The following ZNF578 variants were observed in gnomAD, a reference collection of about 807,000 sequenced individuals.
ZNF578 encodes the protein Putative chemokine-related protein B42.
In ZNF578, 8 loss-of-function variants were observed where a neutral mutation model predicts 8.3. The observed-to-expected ratio is 0.96, with a 90% CI of 0.56 to 1.74. The LOEUF is 1.74. ZNF578 is among the 40% of genes most tolerant of loss of function. The pLI is 0.00. For missense variants in ZNF578, 726 were observed against 707.5 expected, an observed-to-expected ratio of 1.03 and a Z score of -0.30; for synonymous variants, 206 against 232.2, an observed-to-expected ratio of 0.89 and a Z score of 1.03.
Position 52,511,811 on chromosome 19 carries a change from A to G in ZNF578, c.1430A>G (p.His477Arg). The G allele has an allele frequency of 6.2e-7, 1 of 1,613,976 alleles. No individual in the cohort carries two copies. Among genetic ancestry groups the G allele is most frequent in the Non-Finnish European group, 8.5e-7 (1 of 1,179,906 alleles). The change falls in exon 6 of 6, where the codon CAT (histidine) becomes CGT (arginine). Residue 477 changes from histidine (H) to arginine (R), a missense_variant. By Grantham distance (29) the His-to-Arg change is conservative. Transcript: ENST00000421239. ...AACCTTGAGAGACACAAGATAATTC[A>G]TACTGGAGAGAAACCTTACAAGTGT... ...KSNLERHKII[H>R]TGEKPYKCNE...
At chr19:52,459,781 T>A (rs1264728380) in intron 2 of ZNF578, among the ~76,000 whole-genome samples, 1 of 76,694 alleles carries the variant, frequency 1.3e-5, no homozygotes, top group Non-Finnish European at 2.6e-5. Context: ...TTTTTTTTTT[T>A]TTTTTTTTTT....
At position 52,489,124 on chromosome 19, in the gene ZNF578, C is replaced by G. The variant is rs147504139; in HGVS notation, c.-121-2200C>G. Among the ~76,000 whole-genome samples the G allele has an allele frequency of 4.0e-3, 608 of 151,946 alleles. 5 individuals are homozygous for G. Among genetic ancestry groups the G allele is most frequent in the African/African-American group, 0.014 (585 of 41,468 alleles). On this transcript the variant is annotated intron_variant, in intron 2 of 5. Coordinates refer to ENST00000421239, the MANE Select transcript of ZNF578 (RefSeq NM_001099694.2). ...CCCCCCCTAAAAAAAGAAAAAGTAG[C>G]CGAGGGTGGTGGCATGCGTCTGTAG...
At chr19:52,505,624 C>A (rs1304463556) in intron 5 of ZNF578, among the ~76,000 whole-genome samples, 1 of 151,874 alleles carries the variant, frequency 6.6e-6, no homozygotes, top group Non-Finnish European at 1.5e-5. Context: ...CGGGGTTTCA[C>A]CGTGTTAGCC....
Position 52,510,948 on chromosome 19 carries a change from A to G in ZNF578, c.567A>G (p.Ser189=), listed in dbSNP as rs1406463349. 2.0e-5 allele frequency: 32 copies of G among 1,614,074 alleles called. No homozygotes were observed. The highest frequency in any genetic ancestry group is 2.5e-5 in the Non-Finnish European group (29 of 1,180,046). The change falls in exon 6 of 6, where the codon TCA becomes TCG. Residue 189 remains serine, a synonymous_variant. Coordinates refer to ENST00000421239, the MANE Select transcript of ZNF578 (RefSeq NM_001099694.2). ...QVEKSVNDAS[S]ISTSQRISCR... ...AGAAGTCTGTCAACGATGCTTCCTCAATTTCAACATCCCAAAGAATTTCTT... is the reference window on the plus strand; with the variant it reads ...AGAAGTCTGTCAACGATGCTTCCTCGATTTCAACATCCCAAAGAATTTCTT...
intron 2 of ZNF578, among the ~76,000 whole-genome samples, chr19:52,459,715 G>GTGTGTATA (rs1285862887): frequency 0.064 from 422 of 6,616 alleles, 22 homozygotes; most frequent in African/African-American, 0.13. Flanking sequence ...ATGTAGATAT[G>GTGTGTATA]TGTGTGTGTG....
At chr19:52,481,332 A>G (rs950106799) in intron 2 of ZNF578, among the ~76,000 whole-genome samples, 2 of 152,162 alleles carry the variant, frequency 1.3e-5, no homozygotes, top group Non-Finnish European at 2.9e-5. Flanking sequence ...GGACTGAACA[A>G]AGGAGAAGGA....
chr19:52,507,405 A>G (rs1307091823), intron 5 of ZNF578, among the ~76,000 whole-genome samples: 1 of 151,978 alleles, frequency 6.6e-6, no homozygotes, highest in Non-Finnish European at 1.5e-5. Flanking sequence ...ACAAAACAAA[A>G]AAATTAGCCA....
At chr19:52,483,202 A>G (rs4802955) in intron 2 of ZNF578, among the ~76,000 whole-genome samples, 92,998 of 151,916 alleles carry the variant, frequency 0.61, 28,591 homozygotes, top group Admixed American at 0.64. Flanking sequence ...AATCACCTGA[A>G]GTTGGTGGTT....
Position 52,488,649 on chromosome 19 carries a change from TG to T in ZNF578, c.-121-2673del, listed in dbSNP as rs1460367438. Among the ~76,000 whole-genome samples, 2 of 151,782 alleles carry T rather than the reference TG, an allele frequency of 1.3e-5. 1 individual carries two copies. The highest frequency in any genetic ancestry group is 1.3e-4 in the Admixed American group (2 of 15,226). ...AAATACCAAAATTAGCCAGGCGTGG[TG>T]GCAGACTCCTGTAATCCCAGCTACT... On this transcript the variant is annotated intron_variant, in intron 2 of 5. Coordinates refer to ENST00000421239, the MANE Select transcript of ZNF578 (RefSeq NM_001099694.2).
chr19:52,503,799 G>GTTTTTTT, intron 4 of ZNF578, among the ~76,000 whole-genome samples: 1 of 121,920 alleles, frequency 8.2e-6, no homozygotes, highest in Non-Finnish European at 1.8e-5. Flanking sequence ...CCCTGTGTTT[G>GTTTTTTT]CTTTTTTTTT....
At chr19:52,467,085 A>G (rs1174294686) in intron 2 of ZNF578, among the ~76,000 whole-genome samples, 1 of 150,990 alleles carries the variant, frequency 6.6e-6, no homozygotes, top group Non-Finnish European at 1.5e-5. Flanking sequence ...GTTTTGGCTC[A>G]CTGCAACCTC....
At chr19:52,486,792 TAGAC>T (rs3054903) in intron 2 of ZNF578, among the ~76,000 whole-genome samples, 21,728 of 150,900 alleles carry the variant, frequency 0.14, 1,758 homozygotes, top group African/African-American at 0.22. Flanking sequence ...GAGGCAGAAA[TAGAC>T]AGAGATTGAG....
At chr19:52,501,992 T>G in intron 4 of ZNF578, 84 bp downstream of exon 4, 1 of 1,535,292 alleles carries the variant, frequency 6.5e-7, no homozygotes, top group East Asian at 2.3e-5. Flanking sequence ...AGTAATGTAT[T>G]GTAACAGCCA....
Position 52,512,376 on chromosome 19 carries a change from C to T in ZNF578, c.*222C>T, listed in dbSNP as rs1035196363. 47 of 1,499,428 alleles carry T rather than the reference C, an allele frequency of 3.1e-5. 1 individual carries two copies. The highest frequency in any genetic ancestry group is 3.4e-4 in the Middle Eastern group (2 of 5,838). The allele number at this position is 1,499,428 out of a possible 1,614,324, so 92.9% of individuals were successfully genotyped here. A position where few individuals can be genotyped will look rare whatever the true frequency, so the allele number is the denominator to read the frequency against. ...ATGATTGTCACAAAGTCTTCAGTAA[C>T]GCTACAACGATTGCAAATCATTGGA... is the stretch of plus-strand genomic sequence containing the variant. On this transcript the variant is annotated 3_prime_UTR_variant, in exon 6 of 6. Transcript: ENST00000421239.
intron 2 of ZNF578, among the ~76,000 whole-genome samples, chr19:52,475,679 C>A (rs1019426871): frequency 7.9e-5 from 12 of 152,154 alleles, no homozygotes; most frequent in African/African-American, 2.7e-4. Context: ...TTAATATCCC[C>A]TAATAGCTGT....
At chr19:52,455,775 A>G (rs1425597875) in intron 1 of ZNF578, 4 of 152,240 alleles carry the variant, frequency 2.6e-5, no homozygotes, top group African/African-American at 4.8e-5. Context: ...AATCTAGGAC[A>G]TAGTTCCTTG....
intron 2 of ZNF578, among the ~76,000 whole-genome samples, chr19:52,472,593 C>G (rs1180252469): frequency 6.6e-6 from 1 of 152,134 alleles, no homozygotes; most frequent in Non-Finnish European, 1.5e-5. Flanking sequence ...TCCCTAAGAA[C>G]CCATTACTCT....
rs966891898 is a variant in ZNF578 at position 52,512,645 on chromosome 19, GACATCAGAGAATCCCT to G, written c.*494_*509del. Among the ~76,000 whole-genome samples, 2 of 152,244 alleles carry G rather than the reference GACATCAGAGAATCCCT, an allele frequency of 1.3e-5. No homozygotes were observed. Among genetic ancestry groups the G allele is most frequent in the African/African-American group, 4.8e-5 (2 of 41,542 alleles). ...TTTACTTCATGTTCACACCTCATTA[GACATCAGAGAATCCCT>G]ACTGGAGAGAAATCTTACAAATGTC... is the stretch of plus-strand genomic sequence containing the variant. On this transcript the variant is annotated 3_prime_UTR_variant, in exon 6 of 6. Transcript: ENST00000421239.
Position 52,512,164 on chromosome 19 carries a change from T to C in ZNF578, c.*10T>C, listed in dbSNP as rs754241122. 73 of 1,613,682 alleles carry C rather than the reference T, an allele frequency of 4.5e-5. No individual in the cohort carries two copies. In the South Asian group the frequency reaches 7.7e-4, roughly 17 times the overall value. On this transcript the variant is annotated 3_prime_UTR_variant, in exon 6 of 6. Transcript: ENST00000421239. The stretch of plus-strand genomic sequence containing the variant: ...TTGCATGTCATCATAGACTTCATAC[T>C]GGAGAGAAACCTTACAAATGTGAAG...
Sources: gnomAD v4.1 joint callset for allele counts (sites outside exome capture counted in the v4.1 genomes callset) on GRCh38, gnomAD v4.1.1 for gene constraint, MANE v1.5 for transcripts, NCBI Gene and HGNC (gene_info 2026-07-23, HGNC 2026-07-21) for gene names.